NCKAP5: variants seen among roughly 807,000 people sequenced by gnomAD.
NCKAP5 encodes the protein NCK associated protein 5.
In NCKAP5, 92 loss-of-function variants were observed where a neutral mutation model predicts 167.0. The observed-to-expected ratio is 0.55, with a 90% CI of 0.47 to 0.66. The LOEUF (loss-of-function observed/expected upper bound fraction) is 0.66, where lower values mean the gene tolerates loss of function less well. NCKAP5 is among the 30% of genes least tolerant of loss of function. The pLI is 0.00. For synonymous variants in NCKAP5, 891 were observed against 877.4 expected (o/e 1.02, Z -0.27); for missense variants, 2,378 against 2,315.0 (o/e 1.03, Z -0.56).
At chr2:133,295,825 G>C (rs1438100720) in intron 4 of NCKAP5, among the ~76,000 whole-genome samples, 1 of 152,138 alleles carries the variant, frequency 6.6e-6, no homozygotes, top group African/African-American at 2.4e-5. Flanking sequence ...TAGGTGATCT[G>C]GAATCCGTGG....
intron 5 of NCKAP5, among the ~76,000 whole-genome samples, chr2:133,178,407 AG>A (rs1462859590): frequency 1.4e-5 from 2 of 146,632 alleles, no homozygotes; most frequent in Non-Finnish European, 3.0e-5. Flanking sequence ...CAGGAGGCTG[AG>A]GCTGGAGAAT....
chr2:132,794,448 C>T (rs2105148829), intron 12 of NCKAP5, among the ~76,000 whole-genome samples: 1 of 150,756 alleles, frequency 6.6e-6, no homozygotes, highest in African/African-American at 2.4e-5. Context: ...GTCAGGCCAA[C>T]ATGGTGAAAC....
intron 4 of NCKAP5, among the ~76,000 whole-genome samples, chr2:133,224,405 A>G (rs1356200266): frequency 6.6e-6 from 1 of 152,232 alleles, no homozygotes; most frequent in Non-Finnish European, 1.5e-5. Context: ...ATTCAATATC[A>G]GAAACTAATC....
intron 6 of NCKAP5, among the ~76,000 whole-genome samples, chr2:133,038,547 C>G (rs928197676): frequency 1.3e-5 from 2 of 152,076 alleles, no homozygotes; most frequent in Non-Finnish European, 2.9e-5. Flanking sequence ...TAAATAACAT[C>G]TACTATTTGA....
chr2:133,537,159 T>C (rs1381266376), intron 2 of NCKAP5, among the ~76,000 whole-genome samples: 6 of 152,104 alleles, frequency 3.9e-5, no homozygotes, highest in Admixed American at 3.9e-4. Flanking sequence ...GTGATGTATA[T>C]GTCTAGCCTT....
rs150387726 is a variant in NCKAP5, at chr2:133,271,670, G to A, written c.143+31367C>T. On this transcript the variant is annotated intron_variant, in intron 4 of 19. Coordinates refer to ENST00000409261, the MANE Select transcript of NCKAP5 (RefSeq NM_207363.3). ...GGCACTATCATAGATTGAAAGAGAC[G>A]TGACAAATGCAACTAATGGGACTGG... Among the ~76,000 whole-genome samples, 49 of 152,276 alleles carry A rather than the reference G, an allele frequency of 3.2e-4. No individual in the cohort carries two copies. In the Middle Eastern group the frequency reaches 0.014, roughly 42 times the overall value.
chr2:133,363,458 A>G (rs1211938184), intron 3 of NCKAP5, among the ~76,000 whole-genome samples: 1 of 152,206 alleles, frequency 6.6e-6, no homozygotes. Flanking sequence ...GAGTTTGTCA[A>G]TTCCCTGACT....
At chr2:133,399,138 TCG>T (rs1183572351) in intron 3 of NCKAP5, among the ~76,000 whole-genome samples, 1 of 152,192 alleles carries the variant, frequency 6.6e-6, no homozygotes, top group African/African-American at 2.4e-5. Flanking sequence ...CAACATGCTC[TCG>T]CTCTTCATTT....
chr2:133,584,590 C>A, the NCKAP5 span, among the ~76,000 whole-genome samples: 8 of 151,960 alleles, frequency 5.3e-5, no homozygotes, highest in Admixed American at 2.0e-4. Flanking sequence ...CATGGTCAGA[C>A]CCATCTCTAC....
intron 8 of NCKAP5, among the ~76,000 whole-genome samples, chr2:132,934,934 G>T (rs1228648721): frequency 6.6e-6 from 1 of 152,156 alleles, no homozygotes; most frequent in Non-Finnish European, 1.5e-5. Flanking sequence ...ACAGGTAGCT[G>T]CCCTAATTTG....
At chr2:132,755,312 G>A (rs1428103789) in intron 16 of NCKAP5, among the ~76,000 whole-genome samples, 1 of 152,166 alleles carries the variant, frequency 6.6e-6, no homozygotes, top group Non-Finnish European at 1.5e-5. Flanking sequence ...GTTGGCTGGA[G>A]AAACAGAAGG....
rs76485456 is a variant in NCKAP5 at position 132,782,947 on chromosome 2, C to T, written c.3864G>A (p.Thr1288=). The T allele has an allele frequency of 6.2e-6, 10 of 1,613,884 alleles. No individual in the cohort carries two copies. The highest frequency in any genetic ancestry group is 1.6e-4 in the Middle Eastern group (1 of 6,062). ...FSTHSGDKPS[T]PPIEGSGKVR... is the part of the protein sequence containing the mutation. ...CTTTGCCTGACCCTTCGATGGGGGGCGTAGAAGGCTTGTCTCCTGAGTGTG... is the reference window on the plus strand; with the variant it reads ...CTTTGCCTGACCCTTCGATGGGGGGTGTAGAAGGCTTGTCTCCTGAGTGTG... The change falls in exon 14 of 20, where the codon ACG becomes ACA. Residue 1288 remains threonine (T), a synonymous_variant. Coordinates refer to ENST00000409261, the MANE Select transcript of NCKAP5 (RefSeq NM_207363.3).
chr2:132,941,122 C>T (rs1240224090), intron 8 of NCKAP5, among the ~76,000 whole-genome samples: 1 of 152,186 alleles, frequency 6.6e-6, no homozygotes, highest in African/African-American at 2.4e-5. Context: ...AGCAAATCCT[C>T]AAAGACAGGG....
intron 6 of NCKAP5, among the ~76,000 whole-genome samples, chr2:133,079,846 G>A (rs372172327): frequency 1.3e-5 from 2 of 152,042 alleles, no homozygotes; most frequent in East Asian, 3.9e-4. Flanking sequence ...CTTTTACAGT[G>A]TAAGTTTTAA....
At chr2:133,180,757 A>G (rs1339317408) in intron 5 of NCKAP5, among the ~76,000 whole-genome samples, 2 of 152,192 alleles carry the variant, frequency 1.3e-5, no homozygotes, top group African/African-American at 4.8e-5. Context: ...AAGAAAATAT[A>G]GGGGAAAAGT....
At chr2:132,975,387 AAAACCCTCCTC>A (rs1368358469) in intron 7 of NCKAP5, among the ~76,000 whole-genome samples, 3 of 152,230 alleles carry the variant, frequency 2.0e-5, no homozygotes, top group Admixed American at 2.0e-4. Flanking sequence ...CTCTTCACTC[AAAACCCTCCTC>A]AACATTGCCG....
intron 3 of NCKAP5, among the ~76,000 whole-genome samples, chr2:133,503,703 C>A (rs997262562): frequency 1.3e-5 from 2 of 152,222 alleles, no homozygotes; most frequent in South Asian, 2.1e-4. Flanking sequence ...AAAGGAGGAA[C>A]CATCTTCCTG....
intron 4 of NCKAP5, among the ~76,000 whole-genome samples, chr2:133,235,904 CAA>C (rs34829891): frequency 1.3e-4 from 17 of 130,254 alleles, no homozygotes; most frequent in African/African-American, 8.6e-5. Context: ...AACTCTATCT[CAA>C]AAAAAAAAAA....
chr2:132,815,038 A>G (rs1436595534), intron 11 of NCKAP5, among the ~76,000 whole-genome samples: 3 of 152,212 alleles, frequency 2.0e-5, no homozygotes, highest in African/African-American at 4.8e-5. Context: ...ATGCATAAAT[A>G]TAAATACCAT....
Sources: gnomAD v4.1 joint callset for allele counts (sites outside exome capture counted in the v4.1 genomes callset) on GRCh38, gnomAD v4.1.1 for gene constraint, MANE v1.5 for transcripts, NCBI Gene and HGNC (gene_info 2026-07-23, HGNC 2026-07-21) for gene names.